Variants in RALYL observed in about 807,000 individuals in gnomAD.
The protein encoded by RALYL is RALY RNA binding protein like, also known as RNA-binding Raly-like protein.
RALYL carries 29 observed loss-of-function variants against 35.1 expected under a neutral mutation model. That is an observed-to-expected ratio of 0.83 (90% CI 0.61 to 1.13). The LOEUF is 1.13. Among genes scored for constraint, RALYL ranks in the 50% most tolerant of loss-of-function variants. The probability of loss-of-function intolerance (pLI) is 0.00; values close to 1 mark genes in which losing one functional copy is unlikely to be tolerated. For missense variants in RALYL, 359 were observed against 360.4 expected (o/e 1.00, Z 0.03); for synonymous variants, 120 against 127.6 (o/e 0.94, Z 0.40).
chr8:84,253,184 T>TTTTG (rs1830546053), intron 1 of RALYL, among the ~76,000 whole-genome samples: 2 of 116,894 alleles, frequency 1.7e-5, no homozygotes, highest in African/African-American at 6.4e-5. Flanking sequence ...CAGTTTTTTT[T>TTTTG]TTTTTTTTTT....
chr8:84,266,826 A>G (rs887121858), intron 1 of RALYL, among the ~76,000 whole-genome samples: 60 of 151,552 alleles, frequency 4.0e-4, no homozygotes, highest in East Asian at 3.5e-3. Context: ...CGGGCGTGGT[A>G]GCGGGCGCCT....
chr8:84,220,246 A>G (rs1821866338), intron 1 of RALYL, among the ~76,000 whole-genome samples: 1 of 152,088 alleles, frequency 6.6e-6, no homozygotes, highest in Admixed American at 6.6e-5. Flanking sequence ...TTAAGACTAC[A>G]TAAAGGTATT....
chr8:84,656,073 G>A (rs1829904173), intron 2 of RALYL, among the ~76,000 whole-genome samples: 1 of 152,068 alleles, frequency 6.6e-6, no homozygotes, highest in African/African-American at 2.4e-5. Context: ...GGATATAGAA[G>A]GTAAGTTCAT....
chr8:84,523,485 T>C (rs2058630622), intron 1 of RALYL, among the ~76,000 whole-genome samples: 1 of 152,128 alleles, frequency 6.6e-6, no homozygotes. Context: ...TTTTTTGATA[T>C]TTCTGTTGTT....
intron 2 of RALYL, among the ~76,000 whole-genome samples, chr8:84,596,707 A>T (rs1162450194): frequency 2.0e-5 from 3 of 152,046 alleles, no homozygotes; most frequent in Non-Finnish European, 4.4e-5. Context: ...ACCTATGGAA[A>T]ATTTTTCCTG....
chr8:84,836,354 C>T (rs1027942226), intron 4 of RALYL, among the ~76,000 whole-genome samples: 1 of 152,128 alleles, frequency 6.6e-6, no homozygotes, highest in Non-Finnish European at 1.5e-5. Flanking sequence ...AACTTCTTAG[C>T]CATTTTCTCT....
intron 2 of RALYL, among the ~76,000 whole-genome samples, chr8:84,736,580 A>C (rs1847349925): frequency 6.6e-6 from 1 of 152,106 alleles, no homozygotes; most frequent in Non-Finnish European, 1.5e-5. Context: ...ACTGTCTATC[A>C]TGTGTGAGTA....
At chr8:84,539,923 TAC>T (rs374222246) in intron 2 of RALYL, among the ~76,000 whole-genome samples, 51 of 142,274 alleles carry the variant, frequency 3.6e-4, no homozygotes, top group East Asian at 1.1e-3. Flanking sequence ...TGCACAGACA[TAC>T]ACACACACAC....
At chr8:84,732,668 T>TTATATATATATATGTGTATGTATA (rs1554553643) in intron 2 of RALYL, among the ~76,000 whole-genome samples, 1 of 132,490 alleles carries the variant, frequency 7.5e-6, no homozygotes, top group African/African-American at 3.2e-5. Context: ...TATTAAATAA[T>TTATATATATATATGTGTATGTATA]TATATATATA....
At chr8:84,787,186 C>T (rs534149878) in intron 3 of RALYL, among the ~76,000 whole-genome samples, 575 of 149,216 alleles carry the variant, frequency 3.9e-3, no homozygotes, top group African/African-American at 0.013. Context: ...CAGACCCCGG[C>T]GTGTGATGTT....
At chr8:84,537,609 C>T (rs1192523840) in intron 2 of RALYL, among the ~76,000 whole-genome samples, 2 of 151,900 alleles carry the variant, frequency 1.3e-5, no homozygotes, top group African/African-American at 4.8e-5. Context: ...TTCTGAGATT[C>T]ATAGAAATAT....
chr8:84,544,224 C>T (rs887858540), intron 2 of RALYL, among the ~76,000 whole-genome samples: 1 of 151,866 alleles, frequency 6.6e-6, no homozygotes, highest in Non-Finnish European at 1.5e-5. Flanking sequence ...TTTTTTACAA[C>T]CATATATGAT....
At chr8:84,539,610 G>A (rs2059851541) in intron 2 of RALYL, among the ~76,000 whole-genome samples, 1 of 151,780 alleles carries the variant, frequency 6.6e-6, no homozygotes, top group Non-Finnish European at 1.5e-5. Context: ...ATAAAGACAT[G>A]CTTCTGTGTT....
chr8:84,671,858 A>G (rs1224478138), intron 2 of RALYL, among the ~76,000 whole-genome samples: 1 of 152,118 alleles, frequency 6.6e-6, no homozygotes, highest in Non-Finnish European at 1.5e-5. Context: ...GGCAGTTAAC[A>G]TTTACTCCTC....
intron 2 of RALYL, among the ~76,000 whole-genome samples, chr8:84,681,688 T>G (rs941538624): frequency 6.6e-6 from 1 of 152,200 alleles, no homozygotes; most frequent in Admixed American, 6.6e-5. Context: ...CACATTGATT[T>G]TGTATCCTAA....
intron 2 of RALYL, among the ~76,000 whole-genome samples, chr8:84,567,413 C>A (rs893639619): frequency 1.3e-5 from 2 of 151,708 alleles, no homozygotes; most frequent in African/African-American, 4.8e-5. Flanking sequence ...ATCTGTATGT[C>A]CATGTGTGGC....
chr8:84,811,750 A>G (rs530925000), intron 4 of RALYL, among the ~76,000 whole-genome samples: 63 of 152,206 alleles, frequency 4.1e-4, no homozygotes, highest in Middle Eastern at 3.4e-3. Flanking sequence ...GATTGGTTTA[A>G]TTTGAAGGCC....
chr8:84,681,918 A>C (rs1835615284), intron 2 of RALYL, among the ~76,000 whole-genome samples: 1 of 152,194 alleles, frequency 6.6e-6, no homozygotes, highest in Non-Finnish European at 1.5e-5. Context: ...GTCTTGTGCC[A>C]GTTTTCAAAG....
At chr8:84,920,873 A>T in intron 8 of RALYL, 21 bp from the exon 9 acceptor site, 1 of 1,271,394 alleles carries the variant, frequency 7.9e-7, no homozygotes, top group Non-Finnish European at 1.1e-6. Flanking sequence ...TGTATTTTAA[A>T]ATTTTTTTTT....
Sources: allele counts gnomAD v4.1 joint callset (sites outside exome capture counted in the v4.1 genomes callset), GRCh38; gene constraint gnomAD v4.1.1; transcripts MANE v1.5; gene names NCBI Gene and HGNC (gene_info 2026-07-23, HGNC 2026-07-21).